Variants in ADAM23 observed in about 807,000 individuals in gnomAD.
ADAM23 encodes disintegrin and metalloproteinase domain-containing protein 23.
A neutral mutation model predicts 120.1 loss-of-function variants in ADAM23; 33 were observed. The observed-to-expected ratio is 0.27, with a 90% CI of 0.21 to 0.37. ADAM23 has a LOEUF of 0.37. Among genes scored for constraint, ADAM23 ranks in the 10% least tolerant of loss-of-function variants. The probability of loss-of-function intolerance (pLI) is 1.00; values close to 1 mark genes in which losing one functional copy is unlikely to be tolerated. For missense variants in ADAM23, 862 were observed against 1,058.2 expected (o/e 0.81, Z 2.57); for synonymous variants, 367 against 375.2 (o/e 0.98, Z 0.25).
chr2:206,443,878 C>A lies in ADAM23; in HGVS notation c.12C>A (p.Pro4=). The change falls in exon 1 of 26, where the codon CCC becomes CCA. Residue 4 remains proline, a synonymous_variant. Coordinates refer to ENST00000264377, the MANE Select transcript of ADAM23 (RefSeq NM_003812.4). Reference sequence around the variant, plus strand: ...GGGAGCTATGAGCCATGAAGCCGCCCGGCAGCAGCTCGCGGCAGCCGCCCC... The same window carrying A: ...GGGAGCTATGAGCCATGAAGCCGCCAGGCAGCAGCTCGCGGCAGCCGCCCC... MKP[P]GSSSRQPPLA... is the part of the protein sequence containing the mutation. 3 of 1,149,626 alleles carry A rather than the reference C, an allele frequency of 2.6e-6. No individual in the cohort carries two copies. The highest frequency in any genetic ancestry group is 3.2e-6 in the Non-Finnish European group (3 of 937,910). 71.2% of individuals were successfully genotyped at this position (1,149,626 alleles called of 1,614,324 possible).
At chr2:206,493,522 G>A (rs1200514911) in intron 3 of ADAM23, among the ~76,000 whole-genome samples, 1 of 152,054 alleles carries the variant, frequency 6.6e-6, no homozygotes, top group Non-Finnish European at 1.5e-5. Context: ...ACAGGCATCC[G>A]CCACCACGCC....
chr2:206,455,472 C>G (rs1459136120), intron 2 of ADAM23, among the ~76,000 whole-genome samples: 1 of 152,154 alleles, frequency 6.6e-6, no homozygotes, highest in East Asian at 1.9e-4. Context: ...TTTCATTCAC[C>G]TCCTCTTAGG....
intron 3 of ADAM23, among the ~76,000 whole-genome samples, chr2:206,514,634 A>G (rs1164622106): frequency 6.6e-6 from 1 of 152,248 alleles, no homozygotes; most frequent in Non-Finnish European, 1.5e-5. Context: ...ATTGACTCCA[A>G]TTTTGAAAGA....
At chr2:206,576,562 AC>A (rs544946547) in intron 18 of ADAM23, among the ~76,000 whole-genome samples, 1 of 151,740 alleles carries the variant, frequency 6.6e-6, no homozygotes, top group East Asian at 1.9e-4. Flanking sequence ...GGGAGTTAAA[AC>A]CCCCCAAAAT....
intron 6 of ADAM23, among the ~76,000 whole-genome samples, chr2:206,545,493 A>AAATT (rs573741174): frequency 4.6e-5 from 7 of 152,134 alleles, no homozygotes; most frequent in Non-Finnish European, 8.8e-5. Context: ...CTCAATAAAT[A>AAATT]AATTAATTAA....
intron 6 of ADAM23, 131 bp downstream of exon 6, chr2:206,543,447 G>A (rs1030491333): frequency 1.7e-5 from 12 of 720,772 alleles, no homozygotes; most frequent in Non-Finnish European, 2.7e-5. Context: ...ACTTAGAGTA[G>A]TACCCTGAGT....
At chr2:206,460,351 A>G (rs2105858706) in intron 2 of ADAM23, among the ~76,000 whole-genome samples, 1 of 152,328 alleles carries the variant, frequency 6.6e-6, no homozygotes, top group East Asian at 1.9e-4. Context: ...ATGGTGCACA[A>G]GGGTTCCAAT....
In ADAM23 at chr2:206,620,494, C is replaced by T. The variant is rs1341707833; in HGVS notation, c.*2867C>T. 6.6e-6 allele frequency: 1 copy of T among 152,072 alleles called. No homozygotes were observed. Among genetic ancestry groups the T allele is most frequent in the Non-Finnish European group, 1.5e-5 (1 of 68,018 alleles). 9.4% of individuals were successfully genotyped at this position (152,072 alleles called of 1,614,324 possible). ...ACTCTTTGCTGTATTTTGTTTTGCA[C>T]CTGCCATTCATTTGCTAATTTTTGT... is the stretch of plus-strand genomic sequence containing the variant. On this transcript the variant is annotated 3_prime_UTR_variant, in exon 26 of 26. Transcript: ENST00000264377.
At chr2:206,562,423 A>T in intron 13 of ADAM23, 130 bp downstream of exon 13, 1 of 647,382 alleles carries the variant, frequency 1.5e-6, no homozygotes, top group Non-Finnish European at 2.5e-6. Flanking sequence ...TTCCTCTAAA[A>T]TATTTAGAAA....
chr2:206,474,761 G>A (rs558005891), intron 2 of ADAM23, among the ~76,000 whole-genome samples: 2 of 152,148 alleles, frequency 1.3e-5, no homozygotes, highest in South Asian at 4.2e-4. Context: ...TTTTCATAGA[G>A]GCAGGGTTTC....
chr2:206,550,837 G>A (rs1370625543), intron 9 of ADAM23, among the ~76,000 whole-genome samples: 1 of 152,126 alleles, frequency 6.6e-6, no homozygotes, highest in African/African-American at 2.4e-5. Context: ...TCCTGACCTC[G>A]TGATCCGCCT....
At chr2:206,611,834 T>TGA (rs140247771) in intron 25 of ADAM23, among the ~76,000 whole-genome samples, 1 of 152,066 alleles carries the variant, frequency 6.6e-6, no homozygotes, top group East Asian at 1.9e-4. Flanking sequence ...TCTTTATATC[T>TGA]GAGAGAGAGA....
chr2:206,538,312 A>G (rs975531244), intron 4 of ADAM23, among the ~76,000 whole-genome samples: 1 of 152,166 alleles, frequency 6.6e-6, no homozygotes, highest in African/African-American at 2.4e-5. Flanking sequence ...TCAGGTATAC[A>G]TGTCCCATTA....
At chr2:206,486,653 T>C (rs541989704) in intron 3 of ADAM23, among the ~76,000 whole-genome samples, 1 of 152,208 alleles carries the variant, frequency 6.6e-6, no homozygotes, top group East Asian at 1.9e-4. Flanking sequence ...CTTAACTTCT[T>C]CCTTTTCTTC....
At position 206,570,808 on chromosome 2, in the gene ADAM23, T is replaced by C; in HGVS notation, c.1563T>C (p.His521=). The C allele has an allele frequency of 6.2e-7, 1 of 1,613,424 alleles. No homozygotes were observed. The highest frequency in any genetic ancestry group is 8.5e-7 in the Non-Finnish European group (1 of 1,179,374). Reference sequence around the variant, plus strand: ...GGGAGGAGTGTGATTGTGGTTTTCATGTGGTAGGTATAAGAAACCTTCTAT... The same window carrying C: ...GGGAGGAGTGTGATTGTGGTTTTCACGTGGTAGGTATAAGAAACCTTCTAT... ...EAGEECDCGF[H]VECYGLCCKK... Residue 521 remains histidine (H), a synonymous_variant, in exon 16 of 26, where the codon CAT becomes CAC. Transcript: ENST00000264377.
rs551211846 is a variant in ADAM23, at chr2:206,594,944, T to C, written c.2247+39T>C. 19 of 1,607,830 alleles carry C rather than the reference T, an allele frequency of 1.2e-5. No individual in the cohort carries two copies. The Admixed American group carries it at 2.8e-4, about 24-fold the overall frequency. On this transcript the variant is annotated intron_variant, in intron 23 of 25. Transcript: ENST00000264377. ...AATGTGACAGCTGGAACCTTCATGG[T>C]CTGGCATGGTCACAGTGACTGGACT...
chr2:206,508,655 CA>C (rs34489352), intron 3 of ADAM23, among the ~76,000 whole-genome samples: 45,849 of 100,538 alleles, frequency 0.46, 7,012 homozygotes, highest in Admixed American at 0.57. Flanking sequence ...ACTCTGTCTC[CA>C]AAAAAAAAAA....
At chr2:206,511,229 T>A (rs1198732425) in intron 3 of ADAM23, among the ~76,000 whole-genome samples, 1 of 152,208 alleles carries the variant, frequency 6.6e-6, no homozygotes, top group Non-Finnish European at 1.5e-5. Context: ...CTCTTTGAAG[T>A]CCTTTTACAA....
At chr2:206,529,516 A>G (rs1010930851) in intron 3 of ADAM23, among the ~76,000 whole-genome samples, 2 of 151,980 alleles carry the variant, frequency 1.3e-5, no homozygotes, top group African/African-American at 2.4e-5. Context: ...CTTCCACCTC[A>G]GGCTCCCTAG....
Sources: allele counts gnomAD v4.1 joint callset (sites outside exome capture counted in the v4.1 genomes callset), GRCh38; gene constraint gnomAD v4.1.1; transcripts MANE v1.5; gene names NCBI Gene and HGNC (gene_info 2026-07-23, HGNC 2026-07-21).